EPC1: variants seen among roughly 807,000 people sequenced by gnomAD.
The protein encoded by EPC1 is enhancer of polycomb 1.
Under a neutral mutation model 98.4 loss-of-function variants are expected in EPC1, and 12 were observed. That is an observed-to-expected ratio of 0.12 (90% CI 0.08 to 0.20). EPC1 has a LOEUF of 0.20. EPC1 is among the 10% of genes least tolerant of loss of function. EPC1 has a pLI of 1.00. For synonymous variants in EPC1, 357 were observed against 363.9 expected (o/e 0.98, Z 0.21); for missense variants, 729 against 990.5 (o/e 0.74, Z 3.54).
intron 2 of EPC1, among the ~76,000 whole-genome samples, chr10:32,298,789 T>C (rs754068219): frequency 2.0e-4 from 30 of 152,204 alleles, no homozygotes; most frequent in Non-Finnish European, 4.4e-4. Flanking sequence ...GTTGCTGTTA[T>C]AGATTTTATC....
chr10:32,331,471 A>G (rs1837636395), intron 1 of EPC1, among the ~76,000 whole-genome samples: 1 of 152,126 alleles, frequency 6.6e-6, no homozygotes, highest in South Asian at 2.1e-4. Flanking sequence ...ACAAAAGTTT[A>G]TAGAGTAAAA....
chr10:32,329,687 A>G (rs1837525589), intron 1 of EPC1, among the ~76,000 whole-genome samples: 1 of 152,234 alleles, frequency 6.6e-6, no homozygotes, highest in South Asian at 2.1e-4. Flanking sequence ...CTAGAAACAC[A>G]TGAATAAATT....
At chr10:32,362,114 T>C (rs1400639404) in intron 1 of EPC1, among the ~76,000 whole-genome samples, 2 of 152,180 alleles carry the variant, frequency 1.3e-5, no homozygotes, top group Non-Finnish European at 2.9e-5. Flanking sequence ...GCTCTGTGTG[T>C]GGAGTAGCCA....
chr10:32,345,088 AAAT>A (rs1266435549), intron 1 of EPC1: 12 of 932,204 alleles, frequency 1.3e-5, no homozygotes, highest in African/African-American at 1.8e-5. Context: ...TTAGAAATAA[AAAT>A]AAAACCAAAA....
intron 13 of EPC1, 132 bp downstream of exon 13, chr10:32,271,422 A>G (rs2132634133): frequency 1.9e-6 from 2 of 1,040,426 alleles, no homozygotes; most frequent in East Asian, 4.8e-5. Context: ...TAAGTGATCA[A>G]TTCTCAACTA....
intron 1 of EPC1, among the ~76,000 whole-genome samples, chr10:32,313,344 T>C (rs1187587981): frequency 2.6e-5 from 4 of 152,192 alleles, no homozygotes; most frequent in African/African-American, 9.6e-5. Context: ...TGCCTGGCAC[T>C]GGGACACAAT....
chr10:32,303,666 GAAGT>G (rs1267754744), intron 2 of EPC1, among the ~76,000 whole-genome samples: 1 of 152,222 alleles, frequency 6.6e-6, no homozygotes, highest in Non-Finnish European at 1.5e-5. Flanking sequence ...TGGTTATAAA[GAAGT>G]AAGAAGAGGG....
chr10:32,272,860 G>T (rs536686595), intron 11 of EPC1, among the ~76,000 whole-genome samples: 66 of 152,278 alleles, frequency 4.3e-4, no homozygotes, highest in African/African-American at 1.5e-3. Flanking sequence ...TAATTAACAT[G>T]CCCAAGAGAA....
At chr10:32,288,724 T>C (rs1048316629) in intron 6 of EPC1, among the ~76,000 whole-genome samples, 9 of 152,026 alleles carry the variant, frequency 5.9e-5, no homozygotes, top group African/African-American at 2.2e-4. Context: ...TAAAATATGA[T>C]AACTGAAGGA....
intron 1 of EPC1, among the ~76,000 whole-genome samples, chr10:32,320,373 A>G (rs987160255): frequency 3.9e-5 from 6 of 152,152 alleles, no homozygotes; most frequent in Non-Finnish European, 5.9e-5. Context: ...TATTTAAACT[A>G]GTTTCAGAAT....
chr10:32,276,253 G>A (rs1172564984), intron 10 of EPC1, among the ~76,000 whole-genome samples: 1 of 152,232 alleles, frequency 6.6e-6, no homozygotes, highest in Non-Finnish European at 1.5e-5. Flanking sequence ...GCATACGCCT[G>A]TAATCCCAGC....
chr10:32,293,764 T>C (rs770066834), intron 2 of EPC1, 27 bp from the exon 3 acceptor site: 3 of 1,585,766 alleles, frequency 1.9e-6, no homozygotes, highest in South Asian at 2.3e-5. Context: ...TATGCAATCA[T>C]TTACTGTGTG....
intron 1 of EPC1, among the ~76,000 whole-genome samples, chr10:32,326,471 AC>A (rs1837286419): frequency 6.6e-6 from 1 of 152,274 alleles, no homozygotes; most frequent in South Asian, 2.1e-4. Flanking sequence ...AAGAAAAAAA[AC>A]TTTGCGTATT....
In EPC1 at chr10:32,342,092, G is replaced by A. The variant is rs183945573; in HGVS notation, c.153+4671C>T. 1.7e-3 allele frequency among the ~76,000 whole-genome samples: 253 copies of A among 146,418 alleles called. 1 individual carries two copies. The highest frequency in any genetic ancestry group is 6.6e-3 in the African/African-American group (238 of 35,998). On this transcript the variant is annotated intron_variant, in intron 1 of 13. Coordinates refer to ENST00000319778, the MANE Select transcript of EPC1 (RefSeq NM_001272004.3). ...TTAATTCTCTTTGATTTTATCTGAA[G>A]TAATTGTAATCTAATGCAAAAATCC...
At chr10:32,278,374 TTTTTTTTTTTG>T in intron 10 of EPC1, among the ~76,000 whole-genome samples, 2 of 86,078 alleles carry the variant, frequency 2.3e-5, no homozygotes, top group African/African-American at 5.9e-5. Context: ...TTTTTTTGTT[TTTTTTTTTTTG>T]TTTTTTTTTT....
intron 1 of EPC1, among the ~76,000 whole-genome samples, chr10:32,326,027 G>A (rs1837253104): frequency 6.6e-6 from 1 of 152,166 alleles, no homozygotes; most frequent in African/African-American, 2.4e-5. Flanking sequence ...ACTCAGGACA[G>A]ATGAAACATG....
In EPC1 at chr10:32,372,554, G is replaced by A. The variant is rs906176235; in HGVS notation, c.3+5937C>T. ...GAATTTCATGAGATGTTCCTGAAGA[G>A]AGGAGGTAAAGTACAAGTACAAATG... On this transcript the variant is annotated intron_variant, in intron 1 of 13. Transcript: ENST00000375110. Among the ~76,000 whole-genome samples, 3 of 152,206 alleles carry A rather than the reference G, an allele frequency of 2.0e-5. No homozygotes were observed. The East Asian group carries it at 5.8e-4, about 29-fold the overall frequency.
chr10:32,302,165 C>G (rs896548124), intron 2 of EPC1, among the ~76,000 whole-genome samples: 1 of 151,438 alleles, frequency 6.6e-6, no homozygotes, highest in Non-Finnish European at 1.5e-5. Context: ...CCCAGCTACT[C>G]GGGAGGCTGA....
At chr10:32,319,345 T>A (rs920270085) in intron 1 of EPC1, among the ~76,000 whole-genome samples, 1 of 152,070 alleles carries the variant, frequency 6.6e-6, no homozygotes, top group African/African-American at 2.4e-5. Flanking sequence ...TGGCAGAAGA[T>A]AAGAAAGTAA....
Sources: allele counts gnomAD v4.1 joint callset (sites outside exome capture counted in the v4.1 genomes callset), GRCh38; gene constraint gnomAD v4.1.1; transcripts MANE v1.5; gene names NCBI Gene and HGNC (gene_info 2026-07-23, HGNC 2026-07-21).